Variants in NBEAL1 observed in about 807,000 individuals in gnomAD.
NBEAL1 encodes neurobeachin-like protein 1.
A neutral mutation model predicts 351.3 loss-of-function variants in NBEAL1; 273 were observed. The observed-to-expected ratio is 0.78, with a 90% CI of 0.70 to 0.86. The LOEUF (loss-of-function observed/expected upper bound fraction) is 0.86, where lower values mean the gene tolerates loss of function less well. NBEAL1 is among the 40% of genes least tolerant of loss of function. The pLI is 0.00. For missense variants in NBEAL1, 2,961 were observed against 3,201.3 expected (o/e 0.92, Z 1.81); for synonymous variants, 1,050 against 1,086.4 (o/e 0.97, Z 0.66).
chr2:203,031,514 A>C (rs933487638), intron 2 of NBEAL1, among the ~76,000 whole-genome samples: 2 of 152,232 alleles, frequency 1.3e-5, no homozygotes, highest in African/African-American at 4.8e-5. Flanking sequence ...AGGAATGTCA[A>C]TATGAAGTCT....
intron 29 of NBEAL1, 128 bp from the exon 30 acceptor site, chr2:203,138,034 A>T: frequency 3.6e-6 from 3 of 828,964 alleles, no homozygotes; most frequent in African/African-American, 1.7e-5. Flanking sequence ...TATCTTAGGG[A>T]TACCTGCTAG....
In NBEAL1 at chr2:203,120,464, G is replaced by T. The variant is rs568599871; in HGVS notation, c.2593-1790G>T. Among the ~76,000 whole-genome samples the T allele has an allele frequency of 3.4e-4, 52 of 152,280 alleles. No individual in the cohort carries two copies. The South Asian group carries it at 8.7e-3, about 25-fold the overall frequency. On this transcript the variant is annotated intron_variant, in intron 18 of 55. Coordinates refer to ENST00000683969, the MANE Select transcript of NBEAL1 (RefSeq NM_001378026.1). ...AGTGGTTTGTTGTTCCAGGAAGCTA[G>T]AAAATCATAAAGAAGATGGTATCAT...
Position 203,179,727 on chromosome 2 carries a change from A to G in NBEAL1, c.6465-655A>G, listed in dbSNP as rs537895726. ...TGTTTATAATCATATTTATACTCTG[A>G]TTTTCAAATATTGAAATAACATTCA... On this transcript the variant is annotated intron_variant, in intron 42 of 55. Transcript: ENST00000683969. Among the ~76,000 whole-genome samples, 5 of 152,234 alleles carry G rather than the reference A, an allele frequency of 3.3e-5. No homozygotes were observed. In the South Asian group the frequency reaches 1.0e-3, roughly 32 times the overall value.
In NBEAL1 at chr2:203,206,708, C is replaced by G. The variant is rs9710721; in HGVS notation, c.7507-1929C>G. On this transcript the variant is annotated intron_variant, in intron 51 of 55. Transcript: ENST00000683969. The stretch of plus-strand genomic sequence containing the variant: ...GGTGCCGGGATTGCAGACGGAGTCT[C>G]CTTCACTCAGTGCTCAATGGTGCCC... Among the ~76,000 whole-genome samples, 13 of 152,174 alleles carry G rather than the reference C, an allele frequency of 8.5e-5. No homozygotes were observed. The East Asian group carries it at 1.5e-3, about 18-fold the overall frequency.
chr2:203,070,939 G>A (rs932615349), intron 7 of NBEAL1, among the ~76,000 whole-genome samples: 8 of 152,114 alleles, frequency 5.3e-5, no homozygotes, highest in Non-Finnish European at 1.2e-4. Flanking sequence ...TTAACAAAAT[G>A]TTTTTGTAGA....
At chr2:203,105,311 C>A (rs1054461394) in intron 12 of NBEAL1, among the ~76,000 whole-genome samples, 1 of 151,404 alleles carries the variant, frequency 6.6e-6, no homozygotes, top group Non-Finnish European at 1.5e-5. Context: ...AAAAAAAATA[C>A]AAAAATTAGC....
rs200329739 is a variant in NBEAL1 at position 203,125,498 on chromosome 2, A to G, written c.2829A>G (p.Val943=). The change falls in exon 20 of 56, where the codon GTA becomes GTG. Residue 943 remains valine (V), a synonymous_variant. Coordinates refer to ENST00000683969, the MANE Select transcript of NBEAL1 (RefSeq NM_001378026.1). ...CACCTGTTGAAGGAGATTGGCTCGT[A>G]TGGACTTCCACAAAGGCCTCAGGTA... ...SVTPVEGDWL[V]WTSTKASESR... is the part of the protein sequence containing the mutation. The G allele has an allele frequency of 7.2e-6, 11 of 1,518,566 alleles. No individual in the cohort carries two copies. The highest frequency in any genetic ancestry group is 2.5e-5 in the East Asian group (1 of 39,504). 94.1% of individuals were successfully genotyped at this position (1,518,566 alleles called of 1,614,324 possible).
chr2:203,180,545 A>G lies in NBEAL1; in HGVS notation c.6595+33A>G, dbSNP rs199757768. The G allele has an allele frequency of 2.1e-4, 333 of 1,575,704 alleles. 1 individual carries two copies. Among genetic ancestry groups the G allele is most frequent in the South Asian group, 5.7e-4 (50 of 87,264 alleles). On this transcript the variant is annotated intron_variant, in intron 43 of 55. Transcript: ENST00000683969. ...ATAGAGGATTAAAAATTTGACTAGC[A>G]GGTCCCAATGGAGGAGCCTCAAAAA...
At chr2:203,146,241 T>G (rs1372006865) in intron 33 of NBEAL1, among the ~76,000 whole-genome samples, 1 of 152,098 alleles carries the variant, frequency 6.6e-6, no homozygotes, top group East Asian at 1.9e-4. Context: ...AGAAATATAA[T>G]TTATAGTTAA....
intron 36 of NBEAL1, among the ~76,000 whole-genome samples, chr2:203,162,977 C>T (rs535473329): frequency 8.2e-4 from 125 of 152,108 alleles, no homozygotes; most frequent in Middle Eastern, 3.4e-3. Context: ...TAATGAAACC[C>T]GAAACCCAGT....
Position 203,062,087 on chromosome 2 carries a change from T to A in NBEAL1, c.515+4634T>A. Reference sequence around the variant, plus strand: ...TGACATATGAAGACTTTTCCACACATTCTGCATACACATGGTTTTACTTTA... The same window carrying A: ...TGACATATGAAGACTTTTCCACACAATCTGCATACACATGGTTTTACTTTA... On this transcript the variant is annotated intron_variant, in intron 6 of 55. Transcript: ENST00000683969. The surrounding 1 kb of genome is among the most constrained non-coding windows in gnomAD (Gnocchi z 4.2). 5.5e-6 allele frequency: 2 copies of A among 365,746 alleles called. No homozygotes were observed. The highest frequency in any genetic ancestry group is 1.1e-5 in the Non-Finnish European group (2 of 188,688). 22.7% of individuals were successfully genotyped at this position (365,746 alleles called of 1,614,324 possible).
chr2:203,040,715 C>T, intron 2 of NBEAL1: 1 of 609,178 alleles, frequency 1.6e-6, no homozygotes, highest in Non-Finnish European at 3.1e-6. Context: ...CAGGAGATCT[C>T]ATAGTTCTTG....
chr2:203,099,854 C>T (rs2062273718), intron 12 of NBEAL1, 142 bp downstream of exon 12: 2 of 576,486 alleles, frequency 3.5e-6, no homozygotes, highest in African/African-American at 3.8e-5. Flanking sequence ...AGGTAATAAG[C>T]ATAGTACCCA....
chr2:203,027,899 T>G (rs2060885360), intron 2 of NBEAL1, among the ~76,000 whole-genome samples: 2 of 152,028 alleles, frequency 1.3e-5, no homozygotes, highest in South Asian at 4.2e-4. Flanking sequence ...ATTTTTTTTT[T>G]TTTTAAATGG....
In NBEAL1 at chr2:203,209,710, A is replaced by ATGTGTGTGT. The variant is rs2065720776; in HGVS notation, c.7785+388_7785+389insTGTGTGTGT. 4.1e-4 allele frequency among the ~76,000 whole-genome samples: 14 copies of ATGTGTGTGT among 33,800 alleles called. 1 individual carries two copies. The Admixed American group carries it at 4.2e-3, about 10-fold the overall frequency. 22.2% of individuals were successfully genotyped at this position (33,800 alleles called of 152,430 possible). On this transcript the variant is annotated intron_variant, in intron 53 of 55. Coordinates refer to ENST00000683969, the MANE Select transcript of NBEAL1 (RefSeq NM_001378026.1). ...CAGTGACATCACTATTTATTTAATT[A>ATGTGTGTGT]ATATGTGTGTGTGTGTGTGTGTGTG...
chr2:203,024,787 G>T (rs965560417), intron 2 of NBEAL1, among the ~76,000 whole-genome samples: 31 of 151,900 alleles, frequency 2.0e-4, no homozygotes, highest in African/African-American at 7.5e-4. Flanking sequence ...GCTTGAACCT[G>T]GGGGGCGGAG....
At chr2:203,109,559 G>A (rs1299787414) in intron 14 of NBEAL1, among the ~76,000 whole-genome samples, 1 of 151,208 alleles carries the variant, frequency 6.6e-6, no homozygotes, top group Non-Finnish European at 1.5e-5. Flanking sequence ...TGCTCTTGTC[G>A]CCCAGGCTGG....
intron 38 of NBEAL1, among the ~76,000 whole-genome samples, chr2:203,168,626 T>C (rs537771448): frequency 6.6e-6 from 1 of 152,034 alleles, no homozygotes; most frequent in Admixed American, 6.5e-5. Context: ...CTGGGTACGA[T>C]AGCTCACGCC....
Position 203,057,381 on chromosome 2 carries a change from T to C in NBEAL1, c.443T>C (p.Phe148Ser), listed in dbSNP as rs1431214880. ...GCAGATCAGACATGTATTGAAGAAT[T>C]TGTGATCCACGCATTGGCATTTTGT... ...EMADQTCIEE[F>S]VIHALAFCES... Residue 148 changes from phenylalanine (F) to serine (S), a missense_variant, in exon 6 of 56, where the codon TTT becomes TCT. Coordinates refer to ENST00000683969, the MANE Select transcript of NBEAL1 (RefSeq NM_001378026.1). 1 of 1,552,602 alleles carries C rather than the reference T, an allele frequency of 6.4e-7. No homozygotes were observed.
Sources: gnomAD v4.1 joint callset for allele counts (sites outside exome capture counted in the v4.1 genomes callset) on GRCh38, gnomAD v4.1.1 for gene constraint, Gnocchi (gnomAD v3.1) non-coding constraint, MANE v1.5 for transcripts, NCBI Gene and HGNC (gene_info 2026-07-23, HGNC 2026-07-21) for gene names.